The following ZZEF1 variants were observed in gnomAD, a reference collection of about 807,000 sequenced individuals.
ZZEF1 encodes the protein zinc finger ZZ-type and EF-hand domain-containing protein 1.
ZZEF1 carries 157 observed loss-of-function variants against 342.8 expected under a neutral mutation model. That is an observed-to-expected ratio of 0.46 (90% CI 0.40 to 0.52). The LOEUF (loss-of-function observed/expected upper bound fraction) is 0.52. Among genes scored for constraint, ZZEF1 ranks in the 20% least tolerant of loss-of-function variants. The pLI is 0.00. For synonymous variants in ZZEF1, 1,505 were observed against 1,429.1 expected, an observed-to-expected ratio of 1.05 and a Z score of -1.20; for missense variants, 3,480 against 3,725.6, an observed-to-expected ratio of 0.93 and a Z score of 1.72.
chr17:4,132,244 T>G (rs543003117), intron 1 of ZZEF1, among the ~76,000 whole-genome samples: 2 of 150,090 alleles, frequency 1.3e-5, no homozygotes, highest in Non-Finnish European at 3.0e-5. Context: ...AGTGCAGTGG[T>G]GCAATCATGG....
intron 16 of ZZEF1, among the ~76,000 whole-genome samples, chr17:4,082,770 A>T (rs1024857897): frequency 6.6e-5 from 10 of 152,138 alleles, no homozygotes; most frequent in Non-Finnish European, 1.2e-4. Flanking sequence ...AAATGACCTC[A>T]TAAAGAGATA....
At chr17:4,047,421 G>T (rs1255000236) in intron 37 of ZZEF1, among the ~76,000 whole-genome samples, 1 of 152,172 alleles carries the variant, frequency 6.6e-6, no homozygotes, top group African/African-American at 2.4e-5. Flanking sequence ...GAGACAGATG[G>T]ATTGCTTGAG....
chr17:4,036,668 T>C (rs2056670183), intron 39 of ZZEF1, among the ~76,000 whole-genome samples: 1 of 150,442 alleles, frequency 6.6e-6, no homozygotes, highest in Non-Finnish European at 1.5e-5. Context: ...GAGGCGGAGG[T>C]TGCAGTGAGC....
chr17:4,117,788 T>C (rs1188504767), intron 2 of ZZEF1, among the ~76,000 whole-genome samples: 2 of 152,078 alleles, frequency 1.3e-5, no homozygotes, highest in Non-Finnish European at 2.9e-5. Context: ...TTTAAGGAAG[T>C]CTTGCGTATA....
intron 10 of ZZEF1, 52 bp downstream of exon 10, chr17:4,096,557 A>C (rs1057454075): frequency 7.2e-6 from 11 of 1,522,626 alleles, no homozygotes; most frequent in Non-Finnish European, 9.1e-6. Flanking sequence ...TACCCATAAA[A>C]ATTGAAAACA....
intron 11 of ZZEF1, among the ~76,000 whole-genome samples, chr17:4,091,605 G>A (rs2057943467): frequency 6.6e-6 from 1 of 151,894 alleles, no homozygotes; most frequent in Non-Finnish European, 1.5e-5. Context: ...GGCGAACCCT[G>A]TCTCTACTAA....
rs1373573064 is a variant in ZZEF1, at chr17:4,040,909, AG to A, written c.6306+1519del. Among the ~76,000 whole-genome samples, 3 of 152,230 alleles carry A rather than the reference AG, an allele frequency of 2.0e-5. No individual in the cohort carries two copies. The East Asian group carries it at 5.8e-4, about 29-fold the overall frequency. On this transcript the variant is annotated intron_variant, in intron 39 of 54. Transcript: ENST00000381638. ...AATTGCAGAAGGGCCCTACCCCAAG[AG>A]ATGGTTGCTCAACGTGCTACCCAGT...
Position 4,057,980 on chromosome 17 carries a change from G to A in ZZEF1, c.5165+14C>T, listed in dbSNP as rs1213746519. The stretch of plus-strand genomic sequence containing the variant: ...CTACATTAGGAACTGCAGAGCGCAG[G>A]ACCGTGCTCTTACCTGATCACACTG... On this transcript the variant is annotated intron_variant, in intron 32 of 54. Transcript: ENST00000381638. 6.2e-6 allele frequency: 10 copies of A among 1,612,936 alleles called. No homozygotes were observed. The highest frequency in any genetic ancestry group is 7.6e-6 in the Non-Finnish European group (9 of 1,179,180).
chr17:4,078,507 T>C (rs576756084), intron 18 of ZZEF1, among the ~76,000 whole-genome samples: 2 of 152,334 alleles, frequency 1.3e-5, no homozygotes, highest in South Asian at 4.1e-4. Context: ...TATGATTCCA[T>C]TACAGGTACA....
intron 42 of ZZEF1, among the ~76,000 whole-genome samples, chr17:4,028,876 A>T (rs180834529): frequency 6.6e-6 from 1 of 152,366 alleles, no homozygotes; most frequent in African/African-American, 2.4e-5. Context: ...TGAGGATACT[A>T]AAGGATGACT....
At chr17:4,027,564 G>T (rs2056440281) in intron 42 of ZZEF1, among the ~76,000 whole-genome samples, 1 of 149,902 alleles carries the variant, frequency 6.7e-6, no homozygotes, top group Admixed American at 6.7e-5. Context: ...CAAAGTGCTG[G>T]GATTACAGGC....
At chr17:4,096,000 G>T in intron 10 of ZZEF1, 21 bp from the exon 11 acceptor site, 1 of 1,589,424 alleles carries the variant, frequency 6.3e-7, no homozygotes, top group Non-Finnish European at 8.6e-7. Context: ...AGATTAGGAT[G>T]AAGTCTATCA....
chr17:4,104,496 C>T (rs1042789417), intron 8 of ZZEF1, 137 bp downstream of exon 8: 10 of 900,864 alleles, frequency 1.1e-5, no homozygotes, highest in Middle Eastern at 3.5e-4. Context: ...TCAGAGGATA[C>T]GTTCATCCAG....
At chr17:4,072,176 T>C (rs902610997) in intron 25 of ZZEF1, among the ~76,000 whole-genome samples, 5 of 151,754 alleles carry the variant, frequency 3.3e-5, no homozygotes, top group Non-Finnish European at 7.4e-5. Flanking sequence ...AATACAGAAA[T>C]AGAGGGAAGG....
Position 4,100,707 on chromosome 17 carries a change from C to T in ZZEF1, c.1672+1610G>A, listed in dbSNP as rs894151010. 5.3e-5 allele frequency among the ~76,000 whole-genome samples: 8 copies of T among 152,152 alleles called. No homozygotes were observed. In the East Asian group the frequency reaches 7.7e-4, roughly 15 times the overall value. On this transcript the variant is annotated intron_variant, in intron 9 of 54. Transcript: ENST00000381638. The stretch of plus-strand genomic sequence containing the variant: ...GAAATTAGCCGGGCGTGGTGGCGGG[C>T]GCCTGTAGTCTCAGATACTCGGAAG...
intron 43 of ZZEF1, among the ~76,000 whole-genome samples, chr17:4,024,256 G>T (rs918843145): frequency 7.3e-6 from 1 of 137,814 alleles, no homozygotes; most frequent in Non-Finnish European, 1.5e-5. Flanking sequence ...GGAGTGCAAT[G>T]GCATGATCTA....
At chr17:4,077,358 A>G (rs936395335) in intron 19 of ZZEF1, among the ~76,000 whole-genome samples, 1 of 152,156 alleles carries the variant, frequency 6.6e-6, no homozygotes. Flanking sequence ...AGGACCCAAT[A>G]TAAGTGTTTT....
intron 10 of ZZEF1, among the ~76,000 whole-genome samples, chr17:4,096,255 A>C (rs2058031200): frequency 6.6e-6 from 1 of 152,158 alleles, no homozygotes; most frequent in Admixed American, 6.5e-5. Context: ...GTAAATCATC[A>C]TTAAATGTTC....
chr17:4,133,984 C>A (rs1402553100), intron 1 of ZZEF1, among the ~76,000 whole-genome samples: 1 of 152,134 alleles, frequency 6.6e-6, no homozygotes, highest in Non-Finnish European at 1.5e-5. Flanking sequence ...GATTTATCGG[C>A]ATAAGCCACT....
Sources: allele counts gnomAD v4.1 joint callset (sites outside exome capture counted in the v4.1 genomes callset), GRCh38; gene constraint gnomAD v4.1.1; transcripts MANE v1.5; gene names NCBI Gene and HGNC (gene_info 2026-07-23, HGNC 2026-07-21).